LRRC38: variants seen among roughly 807,000 people sequenced by gnomAD.
LRRC38 encodes leucine-rich repeat-containing protein 38.
In LRRC38, 5 loss-of-function variants were observed where a neutral mutation model predicts 16.4. The observed-to-expected ratio is 0.31, with a 90% CI of 0.16 to 0.64. LRRC38 has a LOEUF of 0.64. LRRC38 is among the 30% of genes least tolerant of loss of function. LRRC38 has a pLI of 0.80. For synonymous variants in LRRC38, 191 were observed against 190.2 expected, an observed-to-expected ratio of 1.00 and a Z score of -0.04; for missense variants, 341 against 401.8, an observed-to-expected ratio of 0.85 and a Z score of 1.29.
intron 1 of LRRC38, among the ~76,000 whole-genome samples, chr1:13,507,570 G>A (rs923045556): frequency 2.6e-5 from 4 of 152,332 alleles, no homozygotes; most frequent in Non-Finnish European, 4.4e-5. Context: ...AGTGGCTCAC[G>A]CCTGTAATCC....
intron 1 of LRRC38, among the ~76,000 whole-genome samples, chr1:13,495,150 C>T (rs55868917): frequency 7.2e-5 from 11 of 152,226 alleles, no homozygotes; most frequent in East Asian, 1.9e-4. Context: ...AGCAGAAGCA[C>T]GACAAATATT....
chr1:13,481,373 T>C (rs1314283940), intron 1 of LRRC38, among the ~76,000 whole-genome samples: 4 of 141,800 alleles, frequency 2.8e-5, no homozygotes, highest in Non-Finnish European at 6.2e-5. Context: ...TTAGTGTTCT[T>C]ATGTTTTTTT....
rs1194597819 is a variant in LRRC38, at chr1:13,475,891, T to G, written c.840A>C (p.Ala280=). The G allele has an allele frequency of 3.2e-6, 5 of 1,550,322 alleles. No homozygotes were observed. The Admixed American group carries it at 5.9e-5, about 18-fold the overall frequency. The change falls in exon 2 of 2, where the codon GCA becomes GCC. Residue 280 remains alanine (A), a synonymous_variant. Transcript: ENST00000376085. The surrounding 1 kb of genome is among the most constrained non-coding windows in gnomAD (Gnocchi z 4.3). ...ATVVQCLQRC[A]PNKDAEDEDE... is the part of the protein sequence containing the mutation. ...CTTCATCCTCCGCATCTTTGTTGGG[T>G]GCGCACCTCTGGAGGCACTGCACCA...
At chr1:13,502,112 T>G (rs1194695784) in intron 1 of LRRC38, among the ~76,000 whole-genome samples, 1 of 149,336 alleles carries the variant, frequency 6.7e-6, no homozygotes, top group Non-Finnish European at 1.5e-5. Context: ...TTTTTTTTTT[T>G]GTATTTTTAG....
chr1:13,479,426 C>A (rs1018038770), intron 1 of LRRC38, among the ~76,000 whole-genome samples: 1 of 152,210 alleles, frequency 6.6e-6, no homozygotes, highest in Non-Finnish European at 1.5e-5. Flanking sequence ...CACAACCCAA[C>A]AACATAAGCC....
chr1:13,500,654 C>T (rs1569932417), intron 1 of LRRC38, among the ~76,000 whole-genome samples: 1 of 152,112 alleles, frequency 6.6e-6, no homozygotes, highest in African/African-American at 2.4e-5. Context: ...CAAGCTGTGC[C>T]CCGACCACCT....
At chr1:13,482,751 TCTC>T (rs1258294329) in intron 1 of LRRC38, among the ~76,000 whole-genome samples, 1 of 152,022 alleles carries the variant, frequency 6.6e-6, no homozygotes, top group Non-Finnish European at 1.5e-5. Flanking sequence ...CTTGGAATGT[TCTC>T]CTTTTCCTGA....
chr1:13,490,689 G>T (rs867475953), intron 1 of LRRC38, among the ~76,000 whole-genome samples: 18 of 152,174 alleles, frequency 1.2e-4, no homozygotes, highest in Admixed American at 4.6e-4. Context: ...GGGTGATTTG[G>T]TTAGAGAGAA....
chr1:13,498,244 C>CAA (rs1480376209), intron 1 of LRRC38, among the ~76,000 whole-genome samples: 1 of 122,616 alleles, frequency 8.2e-6, no homozygotes, highest in African/African-American at 3.1e-5. Flanking sequence ...CAAAACAAAA[C>CAA]AAAACAAAAA....
chr1:13,498,249 CAAAAA>C (rs112781450), intron 1 of LRRC38, among the ~76,000 whole-genome samples: 3 of 147,312 alleles, frequency 2.0e-5, no homozygotes, highest in African/African-American at 7.4e-5. Flanking sequence ...CAAAACAAAA[CAAAAA>C]AAAAAAGAGC....
chr1:13,481,385 ATT>A (rs201732940), intron 1 of LRRC38, among the ~76,000 whole-genome samples: 1 of 115,280 alleles, frequency 8.7e-6, no homozygotes, highest in African/African-American at 3.1e-5. Flanking sequence ...TGTTTTTTTT[ATT>A]TTTTTTTTTT....
chr1:13,504,726 G>T (rs1448834622), intron 1 of LRRC38, among the ~76,000 whole-genome samples: 6 of 116,212 alleles, frequency 5.2e-5, no homozygotes, highest in African/African-American at 2.1e-4. Flanking sequence ...GTGTTGAAGG[G>T]GGGAGGGGAG....
chr1:13,497,012 G>A (rs1639088432), intron 1 of LRRC38, among the ~76,000 whole-genome samples: 1 of 152,134 alleles, frequency 6.6e-6, no homozygotes. Context: ...GAGGTAAGAA[G>A]GTACCTGATG....
chr1:13,498,588 G>A (rs757019114), intron 1 of LRRC38, among the ~76,000 whole-genome samples: 14 of 152,078 alleles, frequency 9.2e-5, no homozygotes, highest in African/African-American at 9.7e-5. Context: ...CCAAAATTGC[G>A]CCACTGCACT....
Position 13,475,966 on chromosome 1 carries a change from A to G in LRRC38, c.765T>C (p.Gly255=). The G allele has an allele frequency of 6.4e-7, 1 of 1,550,612 alleles. No homozygotes were observed. Among genetic ancestry groups the G allele is most frequent in the Non-Finnish European group, 8.7e-7 (1 of 1,147,002 alleles). ...TGATGGCCGCAATGGACACGGCCAC[A>G]CCGGAGAAAATGATGATGCAGAGGT... ...LTDLCIIIFS[G]VAVSIAAIIS... Residue 255 remains glycine, a synonymous_variant, in exon 2 of 2, where the codon GGT becomes GGC. Coordinates refer to ENST00000376085, the MANE Select transcript of LRRC38 (RefSeq NM_001010847.2). The surrounding 1 kb of genome is among the most constrained non-coding windows in gnomAD (Gnocchi z 4.3).
chr1:13,504,676 T>C (rs2100519596), intron 1 of LRRC38, among the ~76,000 whole-genome samples: 1 of 138,232 alleles, frequency 7.2e-6, no homozygotes, highest in Non-Finnish European at 1.5e-5. Flanking sequence ...TGAGCCGAGA[T>C]TGCGCCACTG....
chr1:13,509,771 CT>C (rs1256001296), intron 1 of LRRC38, among the ~76,000 whole-genome samples: 1 of 152,192 alleles, frequency 6.6e-6, no homozygotes, highest in African/African-American at 2.4e-5. Context: ...TACCTACACT[CT>C]TTGTTTATAA....
intron 1 of LRRC38, among the ~76,000 whole-genome samples, chr1:13,484,203 G>T (rs748389048): frequency 6.6e-6 from 1 of 151,976 alleles, no homozygotes; most frequent in Non-Finnish European, 1.5e-5. Context: ...CTTCCTTTTC[G>T]TCAGGTGACT....
At chr1:13,481,752 ACTTTCTTTCCCTCT>A (rs1638862451) in intron 1 of LRRC38, among the ~76,000 whole-genome samples, 7 of 88,192 alleles carry the variant, frequency 7.9e-5, no homozygotes, top group Non-Finnish European at 1.6e-4. Flanking sequence ...TCTGCCTCTC[ACTTTCTTTCCCTCT>A]CTCTCCCTCT....
Sources: gnomAD v4.1 joint callset for allele counts (sites outside exome capture counted in the v4.1 genomes callset) on GRCh38, gnomAD v4.1.1 for gene constraint, Gnocchi (gnomAD v3.1) non-coding constraint, MANE v1.5 for transcripts, NCBI Gene and HGNC (gene_info 2026-07-23, HGNC 2026-07-21) for gene names.